The following RGS21 variants were observed in gnomAD, a reference collection of about 807,000 sequenced individuals.
The protein encoded by RGS21 is regulator of G protein signaling 21, also known as regulator of G-protein signalling 21.
Under a neutral mutation model 18.7 loss-of-function variants are expected in RGS21, and 19 were observed. That is an observed-to-expected ratio of 1.01 (90% CI 0.71 to 1.49). RGS21 has a LOEUF of 1.49. Ranked by LOEUF, RGS21 falls within the 40% of genes most tolerant of loss-of-function variation. The probability of loss-of-function intolerance (pLI) is 0.00; values close to 1 mark genes in which losing one functional copy is unlikely to be tolerated. For synonymous variants in RGS21, 56 were observed against 57.8 expected, an observed-to-expected ratio of 0.97 and a Z score of 0.14; for missense variants, 194 against 176.8, an observed-to-expected ratio of 1.10 and a Z score of -0.55.
chr1:192,336,479 A>G (rs1442227238), intron 1 of RGS21, among the ~76,000 whole-genome samples: 1 of 152,146 alleles, frequency 6.6e-6, no homozygotes, highest in African/African-American at 2.4e-5. Context: ...AAAATAAAAT[A>G]AAAGGCTCAA....
At chr1:192,351,894 G>A (rs543814632) in intron 3 of RGS21, among the ~76,000 whole-genome samples, 153 bp from the exon 4 acceptor site, 1 of 150,562 alleles carries the variant, frequency 6.6e-6, no homozygotes, top group African/African-American at 2.4e-5. Context: ...GTTTTCTAGA[G>A]TTAGCAACTA....
chr1:192,322,107 G>A (rs1189186671), intron 1 of RGS21, among the ~76,000 whole-genome samples: 1 of 152,012 alleles, frequency 6.6e-6, no homozygotes, highest in Non-Finnish European at 1.5e-5. Flanking sequence ...TAACTTCCAG[G>A]GAAATTGACA....
chr1:192,319,655 A>G (rs965664092), intron 1 of RGS21, among the ~76,000 whole-genome samples: 1 of 152,122 alleles, frequency 6.6e-6, no homozygotes, highest in Non-Finnish European at 1.5e-5. Flanking sequence ...TCTGCCAGTT[A>G]TCAATTGTGA....
intron 1 of RGS21, among the ~76,000 whole-genome samples, chr1:192,340,976 G>C (rs919466661): frequency 1.3e-5 from 2 of 152,022 alleles, no homozygotes; most frequent in African/African-American, 4.8e-5. Flanking sequence ...AGGGACACAG[G>C]CAAACCATAT....
chr1:192,345,817 G>A (rs148354012), intron 2 of RGS21, among the ~76,000 whole-genome samples: 87 of 152,036 alleles, frequency 5.7e-4, no homozygotes, highest in Non-Finnish European at 1.0e-3. Context: ...TTAAATGATC[G>A]TATAACTTTA....
chr1:192,340,738 G>A (rs111318062), intron 1 of RGS21, among the ~76,000 whole-genome samples: 353 of 152,168 alleles, frequency 2.3e-3, no homozygotes, highest in African/African-American at 8.1e-3. Context: ...GGCTGGGGAG[G>A]CCTCACAATC....
At chr1:192,319,249 C>G (rs965599178) in intron 1 of RGS21, among the ~76,000 whole-genome samples, 1 of 152,030 alleles carries the variant, frequency 6.6e-6, no homozygotes, top group Non-Finnish European at 1.5e-5. Context: ...AACCCTTTCT[C>G]TAAAAATCCA....
chr1:192,351,205 G>A (rs1044041762), intron 3 of RGS21, among the ~76,000 whole-genome samples: 1 of 152,028 alleles, frequency 6.6e-6, no homozygotes, highest in Non-Finnish European at 1.5e-5. Context: ...AGGCAACATC[G>A]GAGAAAAACC....
chr1:192,352,137 C>T lies in RGS21; in HGVS notation c.179C>T (p.Thr60Met), dbSNP rs369430749. 41 of 1,610,790 alleles carry T rather than the reference C, an allele frequency of 2.5e-5. No homozygotes were observed. The highest frequency in any genetic ancestry group is 1.7e-4 in the Middle Eastern group (1 of 6,046). ...FWLACEDFKK[T>M]KNADKIASKA... ...CTTGCCTGTGAAGACTTTAAGAAAA[C>T]GAAAAATGCAGACAAAATTGCTTCC... The change falls in exon 4 of 5, where the codon ACG becomes ATG. Residue 60 changes from threonine to methionine, a missense_variant. Transcript: ENST00000417209.
At chr1:192,362,707 C>T (rs1052145524) in intron 4 of RGS21, among the ~76,000 whole-genome samples, 1 of 151,922 alleles carries the variant, frequency 6.6e-6, no homozygotes, top group African/African-American at 2.4e-5. Flanking sequence ...GGAAAATAGG[C>T]AAATCAGAAA....
At chr1:192,324,813 G>GTA (rs1479092882) in intron 1 of RGS21, among the ~76,000 whole-genome samples, 2 of 151,938 alleles carry the variant, frequency 1.3e-5, no homozygotes, top group African/African-American at 4.8e-5. Context: ...CTCATCAAAG[G>GTA]TAAGCCTACA....
chr1:192,349,389 TA>T (rs1274866030), intron 3 of RGS21, among the ~76,000 whole-genome samples: 1 of 152,182 alleles, frequency 6.6e-6, no homozygotes, highest in Non-Finnish European at 1.5e-5. Context: ...TTTAAACAGC[TA>T]AAGGACTTGT....
At chr1:192,351,054 C>A in intron 3 of RGS21, among the ~76,000 whole-genome samples, 1 of 152,034 alleles carries the variant, frequency 6.6e-6, no homozygotes, top group Non-Finnish European at 1.5e-5. Context: ...AGTAAACATG[C>A]CTGTGAATAA....
At chr1:192,344,128 A>C (rs1658913590) in intron 2 of RGS21, among the ~76,000 whole-genome samples, 1 of 152,102 alleles carries the variant, frequency 6.6e-6, no homozygotes, top group Admixed American at 6.6e-5. Context: ...GAATTCTTAA[A>C]TTCTGTTTCG....
chr1:192,335,257 G>T (rs938115990), intron 1 of RGS21, among the ~76,000 whole-genome samples: 1 of 152,108 alleles, frequency 6.6e-6, no homozygotes, highest in Non-Finnish European at 1.5e-5. Flanking sequence ...TAACTTTTGG[G>T]AAGAAGGAAA....
intron 1 of RGS21, among the ~76,000 whole-genome samples, chr1:192,318,909 A>T (rs967488182): frequency 1.3e-5 from 2 of 152,106 alleles, no homozygotes; most frequent in Admixed American, 6.6e-5. Flanking sequence ...ATCAATAAAC[A>T]AAAAGAAGGG....
intron 2 of RGS21, among the ~76,000 whole-genome samples, chr1:192,344,511 G>A (rs916935878): frequency 3.3e-5 from 5 of 151,996 alleles, no homozygotes; most frequent in South Asian, 4.1e-4. Context: ...GCACAATGTG[G>A]TATGCATTGT....
intron 2 of RGS21, among the ~76,000 whole-genome samples, chr1:192,343,895 G>A (rs1245360162): frequency 3.3e-5 from 5 of 152,036 alleles, no homozygotes; most frequent in Non-Finnish European, 7.4e-5. Context: ...CATTTTTTCA[G>A]ATAGCACATA....
chr1:192,320,013 A>G (rs1308685092), intron 1 of RGS21, among the ~76,000 whole-genome samples: 1 of 152,100 alleles, frequency 6.6e-6, no homozygotes, highest in Non-Finnish European at 1.5e-5. Context: ...CACACAGTGA[A>G]GTATTTTATA....
Sources: gnomAD v4.1 joint callset for allele counts (sites outside exome capture counted in the v4.1 genomes callset) on GRCh38, gnomAD v4.1.1 for gene constraint, MANE v1.5 for transcripts, NCBI Gene and HGNC (gene_info 2026-07-23, HGNC 2026-07-21) for gene names.